Variants in CDH19 observed in about 807,000 individuals in gnomAD.
CDH19 encodes the protein cadherin-19.
In CDH19, 67 loss-of-function variants were observed where a neutral mutation model predicts 64.2. The observed-to-expected ratio is 1.04, with a 90% CI of 0.86 to 1.28. CDH19 has a LOEUF of 1.28. CDH19 is among the 50% of genes most tolerant of loss of function. The probability of loss-of-function intolerance (pLI) is 0.00; values close to 1 mark genes in which losing one functional copy is unlikely to be tolerated. For missense variants in CDH19, 1,030 were observed against 929.0 expected, an observed-to-expected ratio of 1.11 and a Z score of -1.41; for synonymous variants, 346 against 319.3, an observed-to-expected ratio of 1.08 and a Z score of -0.89.
At chr18:66,513,872 C>T (rs1390247387) in intron 9 of CDH19, among the ~76,000 whole-genome samples, 1 of 151,328 alleles carries the variant, frequency 6.6e-6, no homozygotes, top group Non-Finnish European at 1.5e-5. Flanking sequence ...TCTTTTTGCT[C>T]TCTACGTAGA....
intron 9 of CDH19, among the ~76,000 whole-genome samples, chr18:66,516,201 A>G (rs949733464): frequency 3.3e-5 from 5 of 151,882 alleles, no homozygotes; most frequent in African/African-American, 1.2e-4. Flanking sequence ...TGACATGATC[A>G]TTACTTTTAT....
chr18:66,576,973 A>C (rs1988284424), intron 1 of CDH19, among the ~76,000 whole-genome samples: 1 of 151,748 alleles, frequency 6.6e-6, no homozygotes, highest in East Asian at 1.9e-4. Flanking sequence ...TAATAATATA[A>C]ATAATTCAAA....
chr18:66,559,080 C>T (rs1242803922), intron 3 of CDH19, among the ~76,000 whole-genome samples: 1 of 152,024 alleles, frequency 6.6e-6, no homozygotes, highest in African/African-American at 2.4e-5. Context: ...CCACTCATCA[C>T]TATGAATTGC....
At chr18:66,570,446 TCCTAATTA>T (rs1475274894) in intron 2 of CDH19, among the ~76,000 whole-genome samples, 3 of 151,708 alleles carry the variant, frequency 2.0e-5, no homozygotes, top group Non-Finnish European at 4.4e-5. Flanking sequence ...AAAAATATTT[TCCTAATTA>T]GGCTGCTACT....
intron 8 of CDH19, 92 bp from the exon 9 acceptor site, chr18:66,530,058 G>T: frequency 1.8e-6 from 1 of 545,844 alleles, no homozygotes; most frequent in Non-Finnish European, 2.9e-6. Flanking sequence ...GCTACGTGGT[G>T]TATTTTTATT....
At chr18:66,577,910 T>C (rs1988312146) in intron 1 of CDH19, among the ~76,000 whole-genome samples, 1 of 151,958 alleles carries the variant, frequency 6.6e-6, no homozygotes, top group Non-Finnish European at 1.5e-5. Flanking sequence ...TTGCATGCCT[T>C]GGTTCATATT....
chr18:66,505,093 TC>T lies in CDH19; in HGVS notation c.2037del (p.Ser680AlafsTer50). The T allele has an allele frequency of 6.2e-7, 1 of 1,613,722 alleles. No homozygotes were observed. Among genetic ancestry groups the T allele is most frequent in the Non-Finnish European group, 8.5e-7 (1 of 1,179,782 alleles). ...KTRKTTSAEI[R>X]SLYRQSLQVG... ...ACTTGCAAAGACTGCCTGTATAGGC[TC>T]CTGATCTCAGCGCTTGTGGTTTTCC... On this transcript the variant is annotated frameshift_variant, in exon 12 of 12. Coordinates refer to ENST00000262150, the MANE Select transcript of CDH19 (RefSeq NM_021153.4). LOFTEE classifies it low-confidence loss of function (END_TRUNC).
intron 3 of CDH19, among the ~76,000 whole-genome samples, chr18:66,564,077 G>A (rs2144555888): frequency 6.6e-6 from 1 of 151,804 alleles, no homozygotes; most frequent in Admixed American, 6.6e-5. Flanking sequence ...GAAAATTCAT[G>A]ATTTTTTATT....
At chr18:66,594,694 T>C (rs1359785647) in intron 1 of CDH19, among the ~76,000 whole-genome samples, 1 of 151,784 alleles carries the variant, frequency 6.6e-6, no homozygotes. Flanking sequence ...TATGAGTTCA[T>C]GTCCTTTGTA....
At position 66,509,245 on chromosome 18, in the gene CDH19, ATCTAAAAC is replaced by A; in HGVS notation, c.1577-7_1577del. On this transcript the variant is annotated splice_acceptor_variant and splice_polypyrimidine_tract_variant and coding_sequence_variant and intron_variant, in exon 11 of 12. Transcript: ENST00000262150. LOFTEE classifies it high-confidence loss of function. ...TATTAGTCAAAATGACAGCTGTGTTATCTAAAACAAAAATCCATGTGCATAATTTTTTC... is the reference window on the plus strand; with the variant it reads ...TATTAGTCAAAATGACAGCTGTGTTAAAAAATCCATGTGCATAATTTTTTC... 1.2e-6 allele frequency: 2 copies of A among 1,611,012 alleles called. No homozygotes were observed. Among genetic ancestry groups the A allele is most frequent in the Non-Finnish European group, 1.7e-6 (2 of 1,178,196 alleles).
intron 1 of CDH19, among the ~76,000 whole-genome samples, chr18:66,575,449 G>A (rs1357935161): frequency 1.3e-5 from 2 of 151,804 alleles, no homozygotes; most frequent in South Asian, 2.1e-4. Context: ...AAGGGACTGT[G>A]TCCTTGACTG....
At chr18:66,506,424 C>A (rs909184273) in intron 11 of CDH19, among the ~76,000 whole-genome samples, 46 of 151,580 alleles carry the variant, frequency 3.0e-4, no homozygotes, top group Middle Eastern at 3.4e-3. Context: ...ACACTGTACC[C>A]CATAAATATG....
chr18:66,545,588 T>C (rs1987083477), intron 5 of CDH19, among the ~76,000 whole-genome samples: 1 of 152,184 alleles, frequency 6.6e-6, no homozygotes, highest in South Asian at 2.1e-4. Flanking sequence ...TCAATATTCA[T>C]GTTTTATTTT....
intron 1 of CDH19, among the ~76,000 whole-genome samples, chr18:66,583,992 A>T (rs1435031161): frequency 1.3e-5 from 2 of 152,122 alleles, no homozygotes; most frequent in African/African-American, 4.8e-5. Context: ...AAAAGGAAAA[A>T]TTGACAAGTG....
chr18:66,554,591 G>A (rs1987452966), intron 3 of CDH19, 67 bp from the exon 4 acceptor site: 6 of 1,377,318 alleles, frequency 4.4e-6, no homozygotes, highest in South Asian at 1.4e-5. Context: ...GTTCTGTGAA[G>A]CGGTCTTTCT....
At chr18:66,540,423 A>G (rs555691351) in intron 7 of CDH19, among the ~76,000 whole-genome samples, 1 of 152,320 alleles carries the variant, frequency 6.6e-6, no homozygotes, top group South Asian at 2.1e-4. Context: ...CCAAAAGAAT[A>G]AGGCAATTGT....
At chr18:66,574,936 CA>C (rs1568205799) in intron 1 of CDH19, among the ~76,000 whole-genome samples, 1 of 151,688 alleles carries the variant, frequency 6.6e-6, no homozygotes, top group Admixed American at 6.6e-5. Flanking sequence ...CAACCAATCA[CA>C]ATGATTTTTG....
rs1988132013 is a variant in CDH19 at position 66,572,272 on chromosome 18, G to C, written c.-68C>G. 2 of 1,291,772 alleles carry C rather than the reference G, an allele frequency of 1.5e-6. No homozygotes were observed. Among genetic ancestry groups the C allele is most frequent in the Admixed American group, 2.0e-5 (1 of 49,314 alleles). 80.0% of individuals were successfully genotyped at this position (1,291,772 alleles called of 1,614,324 possible). A position where few individuals can be genotyped will look rare whatever the true frequency, so the allele number is the denominator to read the frequency against. Reference sequence around the variant, plus strand: ...ACAGGACGTCACTAACAAAAATCTTGCTTTCTTTTATAATCTTTTCTGATT... The same window carrying C: ...ACAGGACGTCACTAACAAAAATCTTCCTTTCTTTTATAATCTTTTCTGATT... On this transcript the variant is annotated 5_prime_UTR_variant, in exon 2 of 12. Transcript: ENST00000262150.
chr18:66,509,672 C>T (rs1985377630), intron 10 of CDH19, among the ~76,000 whole-genome samples: 1 of 151,528 alleles, frequency 6.6e-6, no homozygotes, highest in Non-Finnish European at 1.5e-5. Context: ...GAAATATAAG[C>T]TGATTGAGCT....
Sources: allele counts gnomAD v4.1 joint callset (sites outside exome capture counted in the v4.1 genomes callset), GRCh38; gene constraint gnomAD v4.1.1; transcripts MANE v1.5; gene names NCBI Gene and HGNC (gene_info 2026-07-23, HGNC 2026-07-21).